The following NALCN variants were observed in gnomAD, a reference collection of about 807,000 sequenced individuals.
NALCN encodes sodium leak channel NALCN.
NALCN carries 111 observed loss-of-function variants against 225.3 expected under a neutral mutation model. The observed-to-expected ratio is 0.49, with a 90% CI of 0.42 to 0.58. The LOEUF (loss-of-function observed/expected upper bound fraction) is 0.58. Ranked by LOEUF, NALCN falls within the 20% of genes least tolerant of loss-of-function variation. NALCN has a pLI of 0.00. For missense variants in NALCN, 1,378 were observed against 2,202.4 expected (o/e 0.63, Z 7.49); for synonymous variants, 764 against 769.0 (o/e 0.99, Z 0.11).
intron 15 of NALCN, among the ~76,000 whole-genome samples, chr13:101,172,784 G>C (rs1373757094): frequency 1.3e-5 from 2 of 152,002 alleles, no homozygotes; most frequent in Non-Finnish European, 2.9e-5. Context: ...AGCCAGGATG[G>C]TCTCGATCTC....
chr13:101,099,534 A>G (rs936112893), intron 27 of NALCN, among the ~76,000 whole-genome samples: 1 of 152,122 alleles, frequency 6.6e-6, no homozygotes, highest in African/African-American at 2.4e-5. Context: ...GGGATCAAAG[A>G]GAAAATGCTT....
intron 7 of NALCN, among the ~76,000 whole-genome samples, chr13:101,325,128 T>C (rs962235110): frequency 3.3e-5 from 5 of 152,286 alleles, no homozygotes; most frequent in Admixed American, 2.6e-4. Flanking sequence ...CAGTTTGGAA[T>C]ACTATCAAAA....
intron 13 of NALCN, among the ~76,000 whole-genome samples, chr13:101,228,905 C>CT (rs1479098032): frequency 2.0e-5 from 3 of 152,004 alleles, no homozygotes; most frequent in Non-Finnish European, 4.4e-5. Flanking sequence ...TTCTAACTTC[C>CT]TTTTTAGCTT....
intron 18 of NALCN, among the ~76,000 whole-genome samples, chr13:101,115,866 T>C (rs908843327): frequency 1.3e-5 from 2 of 152,148 alleles, no homozygotes; most frequent in African/African-American, 4.8e-5. Context: ...AAGGCCAGTT[T>C]CTTAGGAACT....
At chr13:101,204,259 G>T (rs10508057) in intron 13 of NALCN, among the ~76,000 whole-genome samples, 5,925 of 152,140 alleles carry the variant, frequency 0.039, 373 homozygotes, top group African/African-American at 0.14. Flanking sequence ...TGTGATTTAG[G>T]AGGAAATAAA....
intron 13 of NALCN, among the ~76,000 whole-genome samples, chr13:101,200,984 T>G (rs942699472): frequency 2.6e-5 from 4 of 152,334 alleles, no homozygotes; most frequent in Non-Finnish European, 5.9e-5. Context: ...TCTTGGGTTT[T>G]GGTCAAAGTA....
intron 13 of NALCN, among the ~76,000 whole-genome samples, chr13:101,215,582 G>A (rs992633155): frequency 2.6e-5 from 4 of 152,084 alleles, no homozygotes; most frequent in Non-Finnish European, 5.9e-5. Context: ...GTTATTATCA[G>A]AGGGTTGTTC....
intron 17 of NALCN, among the ~76,000 whole-genome samples, chr13:101,137,506 CATT>C (rs1479872941): frequency 6.6e-6 from 1 of 151,806 alleles, no homozygotes; most frequent in African/African-American, 2.4e-5. Context: ...TCATATAGAA[CATT>C]ATAAAATGCT....
Position 101,055,048 on chromosome 13 carries a change from C to T in NALCN, c.*247G>A, listed in dbSNP as rs2031043954. On this transcript the variant is annotated 3_prime_UTR_variant, in exon 44 of 44. Coordinates refer to ENST00000251127, the MANE Select transcript of NALCN (RefSeq NM_052867.4). ...GACATTTTTAAGTGATATACATTTG[C>T]TTGCGGTATCATTTCTAATATTATC... 2.1e-6 allele frequency: 1 copy of T among 480,956 alleles called. No individual in the cohort carries two copies. Among genetic ancestry groups the T allele is most frequent in the African/African-American group, 2.0e-5 (1 of 51,070 alleles). 29.8% of individuals were successfully genotyped at this position (480,956 alleles called of 1,614,324 possible).
chr13:101,317,479 C>A (rs567265575), intron 7 of NALCN, among the ~76,000 whole-genome samples: 65 of 152,314 alleles, frequency 4.3e-4, no homozygotes, highest in African/African-American at 1.5e-3. Context: ...TCGTAAGCAT[C>A]ATTGGTTTAA....
At chr13:101,198,093 G>T (rs1219676297) in intron 13 of NALCN, among the ~76,000 whole-genome samples, 1 of 152,090 alleles carries the variant, frequency 6.6e-6, no homozygotes, top group Non-Finnish European at 1.5e-5. Context: ...AGAGTAGAGG[G>T]TGAAAGCACA....
intron 34 of NALCN, among the ~76,000 whole-genome samples, chr13:101,077,385 G>A (rs921294999): frequency 3.3e-5 from 5 of 152,190 alleles, no homozygotes; most frequent in African/African-American, 1.2e-4. Context: ...AAGAAGACAG[G>A]AAGATATGGG....
chr13:101,371,310 T>C (rs2046532481), intron 6 of NALCN, among the ~76,000 whole-genome samples: 1 of 151,994 alleles, frequency 6.6e-6, no homozygotes, highest in African/African-American at 2.4e-5. Flanking sequence ...GTCCAACTTT[T>C]TTTCTTTCTT....
intron 7 of NALCN, among the ~76,000 whole-genome samples, chr13:101,325,104 C>A (rs1008971740): frequency 6.6e-6 from 1 of 152,050 alleles, no homozygotes; most frequent in East Asian, 1.9e-4. Flanking sequence ...GGCTTAAATC[C>A]GTACAGGGTT....
In NALCN at chr13:101,401,621, C is replaced by T. The variant is rs562092581; in HGVS notation, c.-39-2456G>A. 5.3e-5 allele frequency among the ~76,000 whole-genome samples: 8 copies of T among 152,264 alleles called. No homozygotes were observed. The East Asian group carries it at 1.3e-3, about 26-fold the overall frequency. Reference sequence around the variant, plus strand: ...ATGGATTTGTTTATCTAGAAAAATACATGTCCAGAATTTATTGTTTTTTAA... The same window carrying T: ...ATGGATTTGTTTATCTAGAAAAATATATGTCCAGAATTTATTGTTTTTTAA... On this transcript the variant is annotated intron_variant, in intron 1 of 43. Transcript: ENST00000251127.
chr13:101,082,917 C>T (rs545928391), intron 32 of NALCN, 34 bp from the exon 33 acceptor site: 3 of 1,611,106 alleles, frequency 1.9e-6, no homozygotes, highest in East Asian at 4.5e-5. Flanking sequence ...TCGTTGCCCA[C>T]GTCCATCGGA....
rs149437729 is a variant in NALCN at position 101,350,356 on chromosome 13, C to A, written c.645-4936G>T. Among the ~76,000 whole-genome samples, 594 of 152,178 alleles carry A rather than the reference C, an allele frequency of 3.9e-3. 5 individuals carry two copies. The highest frequency in any genetic ancestry group is 0.013 in the African/African-American group (554 of 41,522). Reference sequence around the variant, plus strand: ...TCTTCTCCTCCACTTGGAAGTCTCTCCTGTTTTCTTTGGTTAACCCCATTT... The same window carrying A: ...TCTTCTCCTCCACTTGGAAGTCTCTACTGTTTTCTTTGGTTAACCCCATTT... On this transcript the variant is annotated intron_variant, in intron 6 of 43. Transcript: ENST00000251127.
chr13:101,234,540 C>T (rs1180710133), intron 12 of NALCN, among the ~76,000 whole-genome samples: 1 of 152,190 alleles, frequency 6.6e-6, no homozygotes, highest in Non-Finnish European at 1.5e-5. Flanking sequence ...ATACAAAGAG[C>T]CGCTCTGTCT....
At chr13:101,332,294 C>T (rs2045205087) in intron 7 of NALCN, among the ~76,000 whole-genome samples, 1 of 149,456 alleles carries the variant, frequency 6.7e-6, no homozygotes, top group African/African-American at 2.5e-5. Context: ...AAAATCCATG[C>T]CTAGGCACAG....
Sources: gnomAD v4.1 joint callset for allele counts (sites outside exome capture counted in the v4.1 genomes callset) on GRCh38, gnomAD v4.1.1 for gene constraint, MANE v1.5 for transcripts, NCBI Gene and HGNC (gene_info 2026-07-23, HGNC 2026-07-21) for gene names.